The following ASTN2 variants were observed in gnomAD, a reference collection of about 807,000 sequenced individuals.
The protein encoded by ASTN2 is astrotactin 2, also known as astrotactin-2.
ASTN2 carries 54 observed loss-of-function variants against 139.8 expected under a neutral mutation model. The observed-to-expected ratio is 0.39, with a 90% CI of 0.31 to 0.48. The LOEUF (loss-of-function observed/expected upper bound fraction) is 0.48, where lower values mean the gene tolerates loss of function less well. ASTN2 is among the 20% of genes least tolerant of loss of function. The probability of loss-of-function intolerance (pLI) is 0.95; values close to 1 mark genes in which losing one functional copy is unlikely to be tolerated. For synonymous variants in ASTN2, 756 were observed against 719.5 expected, an observed-to-expected ratio of 1.05 and a Z score of -0.81; for missense variants, 1,565 against 1,725.1, an observed-to-expected ratio of 0.91 and a Z score of 1.64.
intron 5 of ASTN2, among the ~76,000 whole-genome samples, chr9:117,092,876 C>T (rs897011273): frequency 6.6e-6 from 1 of 152,068 alleles, no homozygotes; most frequent in African/African-American, 2.4e-5. Flanking sequence ...CCAGGCAGGC[C>T]TGGGGGTGTA....
intron 16 of ASTN2, among the ~76,000 whole-genome samples, chr9:116,680,071 T>C (rs1422709997): frequency 2.6e-5 from 4 of 151,876 alleles, no homozygotes; most frequent in African/African-American, 9.7e-5. Context: ...TTCAAAAAAT[T>C]AATGAATCCA....
intron 16 of ASTN2, among the ~76,000 whole-genome samples, chr9:116,696,191 C>G (rs1200358301): frequency 1.3e-5 from 2 of 152,100 alleles, no homozygotes; most frequent in Non-Finnish European, 2.9e-5. Flanking sequence ...CTCTGAAGAC[C>G]TTTTATAATT....
chr9:117,032,538 G>T (rs1448780051), intron 6 of ASTN2, among the ~76,000 whole-genome samples: 1 of 152,070 alleles, frequency 6.6e-6, no homozygotes, highest in African/African-American at 2.4e-5. Flanking sequence ...TGTGGCTAAG[G>T]ATCCACTTAC....
intron 10 of ASTN2, among the ~76,000 whole-genome samples, chr9:116,921,997 C>T (rs1834625912): frequency 6.6e-6 from 1 of 152,154 alleles, no homozygotes; most frequent in South Asian, 2.1e-4. Context: ...ATTTGGGTGG[C>T]AATACAAATC....
intron 7 of ASTN2, among the ~76,000 whole-genome samples, chr9:116,981,851 T>A (rs556565485): frequency 6.6e-6 from 1 of 152,352 alleles, no homozygotes; most frequent in African/African-American, 2.4e-5. Flanking sequence ...GAATTTACTC[T>A]CTTCACTATA....
chr9:117,071,965 C>G (rs539440520), intron 5 of ASTN2, among the ~76,000 whole-genome samples: 1 of 152,194 alleles, frequency 6.6e-6, no homozygotes. Flanking sequence ...AGAAATCACC[C>G]GTCTTCTGAG....
At chr9:116,527,812 G>T (rs1272107961) in intron 19 of ASTN2, among the ~76,000 whole-genome samples, 5 of 152,024 alleles carry the variant, frequency 3.3e-5, no homozygotes, top group African/African-American at 1.2e-4. Flanking sequence ...TGGTTTAAAA[G>T]TGTGGCACTT....
chr9:116,863,636 T>G lies in ASTN2; in HGVS notation c.1987A>C (p.Thr663Pro), dbSNP rs1406082482. The change falls in exon 11 of 23, where the codon ACT becomes CCT. Residue 663 changes from threonine (T) to proline (P), a missense_variant. This residue lies in a region of ASTN2 where 503 missense variants were observed against 591.7 expected (regional missense o/e 0.85). Transcript: ENST00000313400. ...TCAGACACACACTTGAAGTTGCGAG[T>G]GCAGCCCCCATTGTTCCGAGAGCAG... Reference protein sequence around the residue: ...RDCSRNNGGCTRNFKCVSDRQ... With the variant: ...RDCSRNNGGCPRNFKCVSDRQ... 1 of 1,613,938 alleles carries G rather than the reference T, an allele frequency of 6.2e-7. No individual in the cohort carries two copies. Among genetic ancestry groups the G allele is most frequent in the African/African-American group, 1.3e-5 (1 of 74,874 alleles).
chr9:116,699,802 T>C lies in ASTN2; in HGVS notation c.2806+25969A>G. The C allele has an allele frequency of 6.5e-7, 1 of 1,541,156 alleles. No individual in the cohort carries two copies. Among genetic ancestry groups the C allele is most frequent in the Non-Finnish European group, 8.9e-7 (1 of 1,119,570 alleles). On this transcript the variant is annotated intron_variant, in intron 16 of 22. Coordinates refer to ENST00000313400, the MANE Select transcript of ASTN2 (RefSeq NM_001365068.1). This position sits in a 1 kb window ranked among gnomAD's most constrained non-coding sequence, Gnocchi z 4.2. ...ACATGCAGAATAGACTCAGCCTATG[T>C]CCTGATTCCAGCTGGGTAGTTCTAG...
At chr9:117,395,359 G>T (rs562904485) in intron 1 of ASTN2, among the ~76,000 whole-genome samples, 1 of 152,202 alleles carries the variant, frequency 6.6e-6, no homozygotes, top group Non-Finnish European at 1.5e-5. Context: ...AAAAAAACAT[G>T]CTGGGGAAGT....
chr9:116,529,353 C>T (rs1226256236), intron 19 of ASTN2, among the ~76,000 whole-genome samples: 2 of 152,100 alleles, frequency 1.3e-5, no homozygotes, highest in Non-Finnish European at 2.9e-5. Context: ...TGACCTGTAG[C>T]CCCTTTGTTT....
At chr9:116,686,732 T>A (rs927572606) in intron 16 of ASTN2, 4 of 1,550,430 alleles carry the variant, frequency 2.6e-6, no homozygotes, top group Non-Finnish European at 3.5e-6. Flanking sequence ...CAGAGTGTAC[T>A]CCCCAAGTCT....
chr9:117,280,414 A>C (rs1474870983), intron 2 of ASTN2, among the ~76,000 whole-genome samples: 2 of 152,204 alleles, frequency 1.3e-5, no homozygotes, highest in East Asian at 3.9e-4. Context: ...GATGTAATTG[A>C]GTAAAAAAAT....
In ASTN2 at chr9:116,793,866, T is replaced by C. The variant is rs140394430; in HGVS notation, c.2396+11766A>G. On this transcript the variant is annotated intron_variant, in intron 13 of 22. Transcript: ENST00000313400. ...ATTGAGTTCTGACTTTAAGCAGATA[T>C]ATGGAAAATTCCCACCTTTAGATAG... Among the ~76,000 whole-genome samples the C allele has an allele frequency of 1.3e-3, 196 of 152,262 alleles. 2 individuals carry two copies. Among genetic ancestry groups the C allele is most frequent in the Admixed American group, 0.011 (165 of 15,290 alleles).
chr9:117,356,415 G>T (rs1333531081), intron 1 of ASTN2, among the ~76,000 whole-genome samples: 1 of 152,166 alleles, frequency 6.6e-6, no homozygotes, highest in Non-Finnish European at 1.5e-5. Flanking sequence ...GTGAGAATCT[G>T]AGAAATGAAA....
intron 1 of ASTN2, among the ~76,000 whole-genome samples, chr9:117,365,002 A>G (rs1031180340): frequency 8.2e-6 from 1 of 122,176 alleles, no homozygotes; most frequent in African/African-American, 2.9e-5. Flanking sequence ...CACACACAAA[A>G]TCAGCCATGC....
chr9:117,248,226 C>T (rs751968725), intron 2 of ASTN2, among the ~76,000 whole-genome samples: 1 of 152,112 alleles, frequency 6.6e-6, no homozygotes, highest in East Asian at 1.9e-4. Flanking sequence ...AAGGAAGCTT[C>T]GAATGGTGAG....
chr9:117,298,660 A>T lies in ASTN2; in HGVS notation c.443-7147T>A, dbSNP rs1452895337. ...TTTACTACTGTCTTGGTGTGTGTAT[A>T]TATATATGTGTATATATATATATAT... On this transcript the variant is annotated intron_variant, in intron 1 of 22. Transcript: ENST00000313400. Among the ~76,000 whole-genome samples the T allele has an allele frequency of 7.1e-5, 6 of 84,588 alleles. No individual in the cohort carries two copies. The Admixed American group carries it at 8.7e-4, about 12-fold the overall frequency. The allele number at this position is 84,588 out of a possible 152,430, so 55.5% of individuals were successfully genotyped here.
chr9:116,539,456 T>A (rs949517901), intron 19 of ASTN2, among the ~76,000 whole-genome samples: 2 of 151,638 alleles, frequency 1.3e-5, no homozygotes, highest in East Asian at 3.9e-4. Flanking sequence ...GGAAAAAAAA[T>A]TTAAAGACTG....
Sources: allele counts gnomAD v4.1 joint callset (sites outside exome capture counted in the v4.1 genomes callset), GRCh38; gene constraint gnomAD v4.1.1; regional missense constraint gnomAD v4.1.1; non-coding constraint Gnocchi (gnomAD v3.1); transcripts MANE v1.5; gene names NCBI Gene and HGNC (gene_info 2026-07-23, HGNC 2026-07-21).